TCAIM: variants seen among roughly 807,000 people sequenced by gnomAD.
The protein encoded by TCAIM is T cell activation inhibitor, mitochondrial.
Under a neutral mutation model 58.6 loss-of-function variants are expected in TCAIM, and 36 were observed. The ratio of observed to expected loss-of-function variants is 0.61; its 90% confidence interval spans 0.47 to 0.81. The LOEUF (loss-of-function observed/expected upper bound fraction) is 0.81, where lower values mean the gene tolerates loss of function less well. TCAIM is among the 30% of genes least tolerant of loss of function. The pLI is 0.00. For missense variants in TCAIM, 466 were observed against 579.6 expected (o/e 0.80, Z 2.01); for synonymous variants, 172 against 193.6 (o/e 0.89, Z 0.93).
At chr3:44,355,534 G>A (rs1248209477) in intron 2 of TCAIM, among the ~76,000 whole-genome samples, 2 of 152,200 alleles carry the variant, frequency 1.3e-5, no homozygotes, top group Non-Finnish European at 2.9e-5. Flanking sequence ...CAATATGGTT[G>A]GAGAAAAGGA....
At chr3:44,359,869 G>A (rs573036006) in intron 3 of TCAIM, 3 of 152,306 alleles carry the variant, frequency 2.0e-5, no homozygotes, top group African/African-American at 4.8e-5. Flanking sequence ...GGGGACCCCT[G>A]ACACAATGTG....
chr3:44,376,511 C>A (rs1458010183), intron 5 of TCAIM, among the ~76,000 whole-genome samples: 2 of 151,946 alleles, frequency 1.3e-5, no homozygotes, highest in Non-Finnish European at 2.9e-5. Context: ...GGTGTTATAA[C>A]TTTAGGATGT....
intron 5 of TCAIM, among the ~76,000 whole-genome samples, chr3:44,371,759 T>G (rs2125640111): frequency 6.6e-6 from 1 of 152,220 alleles, no homozygotes; most frequent in Non-Finnish European, 1.5e-5. Flanking sequence ...CTGCTGAGGG[T>G]TTGTTCAATG....
At chr3:44,377,210 A>G (rs1701579842) in intron 5 of TCAIM, among the ~76,000 whole-genome samples, 1 of 152,216 alleles carries the variant, frequency 6.6e-6, no homozygotes. Context: ...ATGCAATAGT[A>G]ACCAAAAGAG....
chr3:44,363,017 TAAAATA>T (rs1256805541), intron 4 of TCAIM: 1 of 152,224 alleles, frequency 6.6e-6, no homozygotes, highest in Non-Finnish European at 1.5e-5. Flanking sequence ...TTATAGTTGT[TAAAATA>T]AAAATATTAT....
chr3:44,396,718 C>A, intron 7 of TCAIM, 25 bp from the exon 8 acceptor site: 1 of 1,608,106 alleles, frequency 6.2e-7, no homozygotes, highest in South Asian at 1.1e-5. Context: ...CGACCATGAC[C>A]AAAGGTTTTG....
chr3:44,385,066 G>A (rs1701717675), intron 5 of TCAIM, among the ~76,000 whole-genome samples: 4 of 152,334 alleles, frequency 2.6e-5, no homozygotes, highest in South Asian at 2.1e-4. Flanking sequence ...CCCAGCCAAT[G>A]TATTATAAGA....
intron 6 of TCAIM, among the ~76,000 whole-genome samples, chr3:44,395,712 C>T (rs954272742): frequency 2.0e-5 from 3 of 152,348 alleles, no homozygotes; most frequent in African/African-American, 4.8e-5. Flanking sequence ...AGGTCAGGTA[C>T]GGTGGCTCAC....
Position 44,407,785 on chromosome 3 carries a change from A to G in TCAIM, c.*103A>G. 1 of 1,189,726 alleles carries G rather than the reference A, an allele frequency of 8.4e-7. No individual in the cohort carries two copies. Among genetic ancestry groups the G allele is most frequent in the Non-Finnish European group, 1.1e-6 (1 of 886,696 alleles). 73.7% of individuals were successfully genotyped at this position (1,189,726 alleles called of 1,614,324 possible). A position where few individuals can be genotyped will look rare whatever the true frequency, so the allele number is the denominator to read the frequency against. ...AACAGTATTATTTACATAAGAACAA[A>G]GTTTCTAACTGCTGCTTTAAAAGTA... On this transcript the variant is annotated 3_prime_UTR_variant, in exon 11 of 11. Transcript: ENST00000342649.
At chr3:44,338,546 G>A (rs925136918), upstream of TCAIM, 1 of 150,034 alleles carries the variant, frequency 6.7e-6, no homozygotes, top group Non-Finnish European at 1.5e-5. Flanking sequence ...CCGCCGGAGC[G>A]GGGAGGGTGT....
At chr3:44,393,210 C>T (rs555690979) in intron 6 of TCAIM, among the ~76,000 whole-genome samples, 1 of 152,242 alleles carries the variant, frequency 6.6e-6, no homozygotes, top group Non-Finnish European at 1.5e-5. Flanking sequence ...GTAATCCCAG[C>T]ACTTTGGGAG....
intron 5 of TCAIM, among the ~76,000 whole-genome samples, chr3:44,375,183 T>C (rs1701545403): frequency 6.6e-6 from 1 of 152,186 alleles, no homozygotes; most frequent in Non-Finnish European, 1.5e-5. Flanking sequence ...GCTGCAATTA[T>C]AATGAAATCA....
chr3:44,400,286 G>T (rs930843883), intron 8 of TCAIM, 69 bp from the exon 9 acceptor site: 8 of 1,210,644 alleles, frequency 6.6e-6, no homozygotes, highest in Admixed American at 5.0e-5. Context: ...GCCATTTATT[G>T]GAATTCTAAA....
chr3:44,367,856 T>TA (rs1354878142), intron 5 of TCAIM, 148 bp downstream of exon 5: 2 of 753,896 alleles, frequency 2.7e-6, no homozygotes, highest in African/African-American at 3.5e-5. Flanking sequence ...AAAGTAATAC[T>TA]ATCAGTCTAG....
chr3:44,345,037 CT>C (rs1700937214), intron 1 of TCAIM, among the ~76,000 whole-genome samples: 1 of 152,038 alleles, frequency 6.6e-6, no homozygotes, highest in Non-Finnish European at 1.5e-5. Flanking sequence ...TTCCTGTCTT[CT>C]TACATTAATA....
intron 8 of TCAIM, 98 bp downstream of exon 8, chr3:44,396,932 G>T: frequency 8.7e-7 from 1 of 1,151,282 alleles, no homozygotes; most frequent in African/African-American, 1.6e-5. Context: ...GGTTTGTTGT[G>T]TTTTTGTTTT....
intron 5 of TCAIM, among the ~76,000 whole-genome samples, chr3:44,385,318 C>T (rs1647078490): frequency 6.6e-6 from 1 of 152,174 alleles, no homozygotes; most frequent in African/African-American, 2.4e-5. Flanking sequence ...AGAAGAGAGA[C>T]TCTCACTTTA....
intron 10 of TCAIM, 74 bp from the exon 11 acceptor site, chr3:44,407,368 T>C: frequency 8.3e-7 from 1 of 1,204,140 alleles, no homozygotes; most frequent in East Asian, 2.6e-5. Flanking sequence ...AGAATATATT[T>C]ACATTGTGTG....
intron 1 of TCAIM, among the ~76,000 whole-genome samples, chr3:44,353,680 G>A (rs1701137687): frequency 1.3e-5 from 2 of 152,166 alleles, no homozygotes; most frequent in South Asian, 4.1e-4. Context: ...GACAACACAT[G>A]ATGTTGAACT....
Sources: gnomAD v4.1 joint callset for allele counts (sites outside exome capture counted in the v4.1 genomes callset) on GRCh38, gnomAD v4.1.1 for gene constraint, MANE v1.5 for transcripts, NCBI Gene and HGNC (gene_info 2026-07-23, HGNC 2026-07-21) for gene names.